The following INO80 variants were observed in gnomAD, a reference collection of about 807,000 sequenced individuals.
The protein encoded by INO80 is chromatin-remodeling ATPase INO80.
A neutral mutation model predicts 203.4 loss-of-function variants in INO80; 20 were observed. The observed-to-expected ratio is 0.10, with a 90% confidence interval of 0.07 to 0.14. The LOEUF (loss-of-function observed/expected upper bound fraction) is 0.14, where lower values mean the gene tolerates loss of function less well. INO80 is among the 10% of genes least tolerant of loss of function. The probability of loss-of-function intolerance (pLI) is 1.00; values close to 1 mark genes in which losing one functional copy is unlikely to be tolerated. For missense variants in INO80, 1,419 were observed against 1,914.4 expected, an observed-to-expected ratio of 0.74 and a Z score of 4.83; for synonymous variants, 726 against 685.2, an observed-to-expected ratio of 1.06 and a Z score of -0.93.
intron 14 of INO80, among the ~76,000 whole-genome samples, chr15:41,063,831 T>C (rs1047637463): frequency 2.0e-5 from 3 of 151,910 alleles, no homozygotes; most frequent in East Asian, 1.9e-4. Flanking sequence ...AAAAAAGCCA[T>C]GTAAAAATTA....
chr15:41,080,592 A>G (rs2045471193), intron 8 of INO80, among the ~76,000 whole-genome samples: 1 of 152,234 alleles, frequency 6.6e-6, no homozygotes. Context: ...GCGGTGGCTC[A>G]TGCCTGTAAT....
chr15:41,096,010 G>GA (rs1182155807), intron 2 of INO80, 82 bp from the exon 3 acceptor site: 7 of 1,439,480 alleles, frequency 4.9e-6, no homozygotes, highest in Non-Finnish European at 6.6e-6. Flanking sequence ...CTTTACAGAA[G>GA]AAACTGTTCC....
chr15:41,007,693 A>G (rs976498687), intron 27 of INO80, among the ~76,000 whole-genome samples: 1 of 151,212 alleles, frequency 6.6e-6, no homozygotes, highest in East Asian at 1.9e-4. Context: ...TTCAAGTCTT[A>G]GCTCTTGAAC....
Position 41,092,152 on chromosome 15 carries a change from C to G in INO80, c.412G>C (p.Ala138Pro). ...TCATCGTCTTCACTCTGAGAATCAG[C>G]CTCGCTGGATTCATCACTTAGCAGA... Reference protein sequence around the residue: ...SILLSDESSEADSQSEDDDEE... With the variant: ...SILLSDESSEPDSQSEDDDEE... Residue 138 changes from alanine (A) to proline (P), a missense_variant, in exon 5 of 36, where the codon GCT (alanine) becomes CCT (proline). By Grantham distance (27) the Ala-to-Pro change is conservative. Transcript: ENST00000648947. The G allele has an allele frequency of 1.9e-6, 3 of 1,608,152 alleles. No homozygotes were observed. Among genetic ancestry groups the G allele is most frequent in the Non-Finnish European group, 2.6e-6 (3 of 1,175,300 alleles).
At chr15:41,038,852 C>T (rs1009913) in intron 24 of INO80, among the ~76,000 whole-genome samples, 69,551 of 151,998 alleles carry the variant, frequency 0.46, 17,702 homozygotes, top group East Asian at 0.69. Context: ...GATATAATGA[C>T]TCTGGTAATT....
At position 40,984,277 on chromosome 15, in the gene INO80, C is replaced by G; in HGVS notation, c.3997G>C (p.Ala1333Pro). The G allele has an allele frequency of 1.2e-6, 2 of 1,614,068 alleles. No individual in the cohort carries two copies. Among genetic ancestry groups the G allele is most frequent in the Non-Finnish European group, 1.7e-6 (2 of 1,179,960 alleles). The change falls in exon 33 of 36, where the codon GCT becomes CCT. Residue 1333 changes from alanine to proline, a missense_variant. Ala to Pro is a conservative substitution (Grantham distance 27). This residue lies in a region of INO80 where 214 missense variants were observed against 248.9 expected (regional missense o/e 0.86). Coordinates refer to ENST00000648947, the MANE Select transcript of INO80 (RefSeq NM_017553.3). ...TCAGCAGAGAGGTTGGAGTTATCAG[C>G]CGAGGGAACAAATGGGATCACCAGG... ...VNLVIPFVPS[A>P]DNSNLSADGD...
chr15:41,009,389 C>G (rs1320762847), intron 27 of INO80, among the ~76,000 whole-genome samples: 3 of 119,954 alleles, frequency 2.5e-5, no homozygotes, highest in Admixed American at 1.9e-4. Context: ...CCCCTCCCCC[C>G]ACCCCACAAC....
In INO80 at chr15:41,096,368, TAAG is replaced by T. The variant is rs944158991; in HGVS notation, c.-43-18_-43-16del. ...CGACTGCACGGCTGCAGAACAGAGA[TAAG>T]AAGTGAAAGATGAAATTACTATCCA... On this transcript the variant is annotated splice_polypyrimidine_tract_variant and intron_variant, in intron 1 of 35. Coordinates refer to ENST00000648947, the MANE Select transcript of INO80 (RefSeq NM_017553.3). 11 of 1,478,360 alleles carry T rather than the reference TAAG, an allele frequency of 7.4e-6. No homozygotes were observed. Among genetic ancestry groups the T allele is most frequent in the South Asian group, 7.0e-5 (5 of 71,268 alleles). 91.6% of individuals were successfully genotyped at this position (1,478,360 alleles called of 1,614,324 possible).
rs1375803070 is a variant in INO80, at chr15:41,095,744, T to A, written c.313+15A>T. On this transcript the variant is annotated intron_variant, in intron 3 of 35. Transcript: ENST00000648947. Reference sequence around the variant, plus strand: ...GATAACGATAGTCCAAAGGGGGATGTCACACCACACTGACCTGACTGTAGA... The same window carrying A: ...GATAACGATAGTCCAAAGGGGGATGACACACCACACTGACCTGACTGTAGA... The A allele has an allele frequency of 6.2e-7, 1 of 1,613,820 alleles. No homozygotes were observed. Among genetic ancestry groups the A allele is most frequent in the Non-Finnish European group, 8.5e-7 (1 of 1,179,780 alleles).
intron 23 of INO80, among the ~76,000 whole-genome samples, chr15:41,046,536 A>G (rs1017870883): frequency 1.3e-5 from 2 of 151,578 alleles, no homozygotes; most frequent in Non-Finnish European, 2.9e-5. Context: ...TATTTAAGAT[A>G]TATTATGAAG....
At position 41,056,720 on chromosome 15, in the gene INO80, T is replaced by A. The variant is rs1283723841; in HGVS notation, c.1986-14A>T. 1.2e-6 allele frequency: 2 copies of A among 1,607,772 alleles called. No homozygotes were observed. Among genetic ancestry groups the A allele is most frequent in the Non-Finnish European group, 1.7e-6 (2 of 1,174,414 alleles). ...TTCCAACGAACACTGTTTGATAAAA[T>A]AAGTTACAAATTCATGTTAGCAATA... On this transcript the variant is annotated splice_polypyrimidine_tract_variant and intron_variant, in intron 16 of 35. Coordinates refer to ENST00000648947, the MANE Select transcript of INO80 (RefSeq NM_017553.3).
At chr15:41,004,785 TA>T (rs2044013250) in intron 28 of INO80, 1 of 152,178 alleles carries the variant, frequency 6.6e-6, no homozygotes, top group Non-Finnish European at 1.5e-5. Context: ...CAATTTGTCA[TA>T]AGGCACTGTA....
At chr15:41,049,871 G>T in intron 20 of INO80, 64 bp downstream of exon 20, 1 of 1,461,548 alleles carries the variant, frequency 6.8e-7, no homozygotes, top group Non-Finnish European at 9.4e-7. Flanking sequence ...GGGCAACAGA[G>T]CAAGACAATT....
chr15:40,994,388 G>A (rs952455495), intron 29 of INO80, among the ~76,000 whole-genome samples: 1 of 151,998 alleles, frequency 6.6e-6, no homozygotes, highest in Non-Finnish European at 1.5e-5. Context: ...TTTTGAGATG[G>A]AGTCTCACTG....
At chr15:40,993,832 T>G (rs1458102613) in intron 29 of INO80, among the ~76,000 whole-genome samples, 1 of 152,110 alleles carries the variant, frequency 6.6e-6, no homozygotes, top group Non-Finnish European at 1.5e-5. Flanking sequence ...AACTTCAGAC[T>G]CTGCTGCCTG....
chr15:41,102,847 A>G (rs768027423), intron 1 of INO80, among the ~76,000 whole-genome samples: 49 of 151,642 alleles, frequency 3.2e-4, no homozygotes, highest in Middle Eastern at 3.4e-3. Context: ...AACTTGGACT[A>G]TTCCTTAACT....
rs572877039 is a variant in INO80 at position 41,079,612 on chromosome 15, G to A, written c.1131+89C>T. 4.6e-5 allele frequency: 50 copies of A among 1,089,890 alleles called. No individual in the cohort carries two copies. In the East Asian group the frequency reaches 1.1e-3, roughly 25 times the overall value. The allele number at this position is 1,089,890 out of a possible 1,614,324, so 67.5% of individuals were successfully genotyped here. A position where few individuals can be genotyped will look rare whatever the true frequency, so the allele number is the denominator to read the frequency against. Reference sequence around the variant, plus strand: ...AAAACAAAAAATTGACAGTGTCATTGGTTAGATGTACAATTTTCAAAATGC... The same window carrying A: ...AAAACAAAAAATTGACAGTGTCATTAGTTAGATGTACAATTTTCAAAATGC... On this transcript the variant is annotated intron_variant, in intron 9 of 35. Transcript: ENST00000648947.
chr15:40,995,315 C>G (rs1245531400), intron 29 of INO80, among the ~76,000 whole-genome samples: 1 of 152,026 alleles, frequency 6.6e-6, no homozygotes, highest in Non-Finnish European at 1.5e-5. Flanking sequence ...AGAAGTTCAC[C>G]AGGTGGAAGA....
chr15:41,063,667 G>T (rs950149271), intron 14 of INO80, among the ~76,000 whole-genome samples: 1 of 151,854 alleles, frequency 6.6e-6, no homozygotes, highest in African/African-American at 2.4e-5. Flanking sequence ...CCAGCTACTA[G>T]GAAGGCTGAG....
Sources: allele counts gnomAD v4.1 joint callset (sites outside exome capture counted in the v4.1 genomes callset), GRCh38; gene constraint gnomAD v4.1.1; regional missense constraint gnomAD v4.1.1; transcripts MANE v1.5; gene names NCBI Gene and HGNC (gene_info 2026-07-23, HGNC 2026-07-21).